CWF19L1: variants seen among roughly 807,000 people sequenced by gnomAD.
The protein encoded by CWF19L1 is CWF19 like cell cycle control factor 1.
Under a neutral mutation model 69.7 loss-of-function variants are expected in CWF19L1, and 60 were observed. The observed-to-expected ratio is 0.86, with a 90% CI of 0.70 to 1.07. CWF19L1 has a LOEUF of 1.07. CWF19L1 is among the 50% of genes least tolerant of loss of function. The pLI is 0.00. For synonymous variants in CWF19L1, 209 were observed against 222.2 expected (o/e 0.94, Z 0.53); for missense variants, 591 against 638.9 (o/e 0.92, Z 0.81).
chr10:100,260,168 A>G, intron 4 of CWF19L1, 50 bp downstream of exon 4: 1 of 1,283,958 alleles, frequency 7.8e-7, no homozygotes, highest in Non-Finnish European at 1.1e-6. Context: ...ACTCCGTCTC[A>G]AAAACAAAAA....
chr10:100,251,033 T>C (rs917035412), intron 6 of CWF19L1, among the ~76,000 whole-genome samples: 1 of 152,130 alleles, frequency 6.6e-6, no homozygotes, highest in Non-Finnish European at 1.5e-5. Flanking sequence ...GGTTCAACCA[T>C]GTTGTAGCAC....
intron 13 of CWF19L1, among the ~76,000 whole-genome samples, chr10:100,234,635 C>T (rs1564847770): frequency 6.6e-6 from 1 of 152,114 alleles, no homozygotes. Flanking sequence ...CTGAATTAGT[C>T]CAAGACAGGT....
chr10:100,251,947 GTATA>G (rs1847051779), intron 6 of CWF19L1, among the ~76,000 whole-genome samples: 2 of 152,302 alleles, frequency 1.3e-5, no homozygotes, highest in South Asian at 4.1e-4. Flanking sequence ...TCTAGAATGA[GTATA>G]TGGAGATTTA....
Position 100,233,154 on chromosome 10 carries a change from A to T in CWF19L1, c.*73T>A. On this transcript the variant is annotated 3_prime_UTR_variant, in exon 14 of 14. Coordinates refer to ENST00000354105, the MANE Select transcript of CWF19L1 (RefSeq NM_018294.6). ...CAGAGCGAGACTTTGTCTCAAAAAA[A>T]ATTCTTTTAATTAAAAAAAAAAAAA... 18 of 1,448,172 alleles carry T rather than the reference A, an allele frequency of 1.2e-5. No homozygotes were observed. Among genetic ancestry groups the T allele is most frequent in the Non-Finnish European group, 1.7e-5 (18 of 1,080,194 alleles). The allele number at this position is 1,448,172 out of a possible 1,614,324, so 89.7% of individuals were successfully genotyped here. A position where few individuals can be genotyped will look rare whatever the true frequency, so the allele number is the denominator to read the frequency against.
chr10:100,265,450 A>C lies in CWF19L1; in HGVS notation c.23+2121T>G, dbSNP rs554817455. 6.0e-5 allele frequency among the ~76,000 whole-genome samples: 9 copies of C among 150,478 alleles called. No homozygotes were observed. The South Asian group carries it at 1.9e-3, about 32-fold the overall frequency. ...AGAAACTTTCAGTTCTGCAAACTCC[A>C]TTCATGATAAGTGTCCTACACAGGT... On this transcript the variant is annotated intron_variant, in intron 1 of 13. Transcript: ENST00000354105.
At position 100,240,021 on chromosome 10, in the gene CWF19L1, A is replaced by G. The variant is rs151218164; in HGVS notation, c.1045-1790T>C. 3.0e-3 allele frequency among the ~76,000 whole-genome samples: 455 copies of G among 152,292 alleles called. 4 individuals are homozygous for G. The highest frequency in any genetic ancestry group is 0.011 in the African/African-American group (444 of 41,568). ...TATTATGATGTGCATTCTTTAGGTA[A>G]TGATGTCTAAACTAAAGAGCTCCTC... On this transcript the variant is annotated intron_variant, in intron 10 of 13. Transcript: ENST00000354105.
chr10:100,261,775 T>C (rs1192447926), intron 2 of CWF19L1, among the ~76,000 whole-genome samples: 1 of 152,140 alleles, frequency 6.6e-6, no homozygotes, highest in Admixed American at 6.5e-5. Context: ...ATATTCAAAT[T>C]CAAAAAATAT....
chr10:100,240,025 T>A (rs1846588157), intron 10 of CWF19L1, among the ~76,000 whole-genome samples: 1 of 152,222 alleles, frequency 6.6e-6, no homozygotes, highest in East Asian at 1.9e-4. Context: ...TAGGTAATGA[T>A]GTCTAAACTA....
chr10:100,257,697 A>G (rs1336628652), intron 4 of CWF19L1, among the ~76,000 whole-genome samples: 1 of 152,088 alleles, frequency 6.6e-6, no homozygotes, highest in East Asian at 1.9e-4. Context: ...AAACTATGTT[A>G]TCTTCAGTAG....
chr10:100,242,853 G>A (rs1419327994), intron 10 of CWF19L1, among the ~76,000 whole-genome samples: 2 of 151,842 alleles, frequency 1.3e-5, no homozygotes, highest in East Asian at 3.9e-4. Context: ...CAATTAGACG[G>A]GCTAAAAAAT....
intron 1 of CWF19L1, among the ~76,000 whole-genome samples, chr10:100,266,649 G>A (rs1193865840): frequency 7.0e-6 from 1 of 143,296 alleles, no homozygotes; most frequent in Non-Finnish European, 1.5e-5. Context: ...CCAAGTAGCT[G>A]GGATTACAGG....
At chr10:100,245,500 T>C (rs1453619619) in intron 9 of CWF19L1, among the ~76,000 whole-genome samples, 3 of 152,186 alleles carry the variant, frequency 2.0e-5, no homozygotes, top group African/African-American at 7.2e-5. Context: ...GAACCATACC[T>C]ATTTATGAGA....
chr10:100,260,230 T>G lies in CWF19L1; in HGVS notation c.277A>C (p.Ile93Leu). ...DADGCELAEN[I>L]TYLGRKGIFT... Reference sequence around the variant, plus strand: ...AGTATCAGCTTACCCAGATAAGTAATGTTTTCAGCTAATTCACATCCATCA... The same window carrying G: ...AGTATCAGCTTACCCAGATAAGTAAGGTTTTCAGCTAATTCACATCCATCA... Residue 93 changes from isoleucine (I) to leucine (L), a missense_variant, in exon 4 of 14, where the codon ATT (isoleucine) becomes CTT (leucine). Ile to Leu is a conservative substitution (Grantham distance 5). Transcript: ENST00000354105. 1 of 1,600,630 alleles carries G rather than the reference T, an allele frequency of 6.2e-7. No homozygotes were observed. The highest frequency in any genetic ancestry group is 8.5e-7 in the Non-Finnish European group (1 of 1,170,654).
chr10:100,233,477 C>A, intron 13 of CWF19L1, 106 bp from the exon 14 acceptor site: 2 of 1,098,270 alleles, frequency 1.8e-6, no homozygotes, highest in East Asian at 2.5e-5. Context: ...CTCTCCTGCC[C>A]TGAGTGCCAT....
chr10:100,253,461 CA>C lies in CWF19L1; in HGVS notation c.582del (p.Phe194LeufsTer31). 3 of 1,613,858 alleles carry C rather than the reference CA, an allele frequency of 1.9e-6. No individual in the cohort carries two copies. The South Asian group carries it at 3.3e-5, about 18-fold the overall frequency. ...TCATAATAGGTCTTTTCCAAAGCAG[CA>C]AAATGGTATCTTGGTTTCAAGCCCG... ...LATGLKPRYHFAALEKTYYER... is the reference protein window; with the variant it reads ...LATGLKPRYHXAALEKTYYER... On this transcript the variant is annotated frameshift_variant, in exon 6 of 14. Coordinates refer to ENST00000354105, the MANE Select transcript of CWF19L1 (RefSeq NM_018294.6). LOFTEE classifies it high-confidence loss of function.
In CWF19L1 at chr10:100,250,352, C is replaced by G. The variant is rs1846984552; in HGVS notation, c.624-20G>C. On this transcript the variant is annotated intron_variant, in intron 6 of 13. Transcript: ENST00000354105. ...TGGTTTCTACAACATATTTGAGAGA[C>G]AAAAAATTGCAAACAATTTTACTTT... 6.7e-7 allele frequency: 1 copy of G among 1,483,642 alleles called. No individual in the cohort carries two copies. 91.9% of individuals were successfully genotyped at this position (1,483,642 alleles called of 1,614,324 possible).
chr10:100,266,682 ATT>A (rs35028554), intron 1 of CWF19L1, among the ~76,000 whole-genome samples: 2 of 135,044 alleles, frequency 1.5e-5, no homozygotes, highest in Non-Finnish European at 1.6e-5. Context: ...CGCCTGGCTA[ATT>A]TTTTTTTTTT....
In CWF19L1 at chr10:100,260,975, T is replaced by C; in HGVS notation, c.178A>G (p.Ile60Val). The C allele has an allele frequency of 6.2e-7, 1 of 1,601,768 alleles. No individual in the cohort carries two copies. Among genetic ancestry groups the C allele is most frequent in the Non-Finnish European group, 8.5e-7 (1 of 1,171,604 alleles). ...DAEWEEYKTG[I>V]KKAPIQTYVL... ...AAAATAATTTCTATACCTTTCTTGA[T>C]GCCAGTCTTATACTCCTCCCATTCA... is the stretch of plus-strand genomic sequence containing the variant. Residue 60 changes from isoleucine to valine, a missense_variant, in exon 3 of 14, where the codon ATC becomes GTC. Ile to Val is a conservative substitution (Grantham distance 29). This residue lies in a region of CWF19L1 where 129 missense variants were observed against 131.3 expected (regional missense o/e 0.98). Transcript: ENST00000354105.
At chr10:100,237,663 T>A (rs967979510) in intron 11 of CWF19L1, among the ~76,000 whole-genome samples, 4 of 152,144 alleles carry the variant, frequency 2.6e-5, no homozygotes, top group East Asian at 1.9e-4. Flanking sequence ...ATTTTTTTTT[T>A]AAAGATGGAG....
Sources: gnomAD v4.1 joint callset for allele counts (sites outside exome capture counted in the v4.1 genomes callset) on GRCh38, gnomAD v4.1.1 for gene constraint, gnomAD v4.1.1 regional missense constraint, MANE v1.5 for transcripts, NCBI Gene and HGNC (gene_info 2026-07-23, HGNC 2026-07-21) for gene names.